The following CDH13 variants were observed in gnomAD, a reference collection of about 807,000 sequenced individuals.
CDH13 encodes cadherin-13.
CDH13 carries 24 observed loss-of-function variants against 63.8 expected under a neutral mutation model. That is an observed-to-expected ratio of 0.38 (90% confidence interval 0.27 to 0.53). The LOEUF (loss-of-function observed/expected upper bound fraction) is 0.53. Among genes scored for constraint, CDH13 ranks in the 20% least tolerant of loss-of-function variants. The pLI, the probability that CDH13 is intolerant of heterozygous loss-of-function variation, is 0.85. For missense variants in CDH13, 1,049 were observed against 903.1 expected, an observed-to-expected ratio of 1.16 and a Z score of -2.07; for synonymous variants, 503 against 355.3, an observed-to-expected ratio of 1.42 and a Z score of -4.67.
intron 5 of CDH13, among the ~76,000 whole-genome samples, chr16:83,261,451 A>G (rs1906981960): frequency 1.3e-5 from 2 of 152,140 alleles, no homozygotes; most frequent in South Asian, 4.1e-4. Flanking sequence ...GTAGGTAAGA[A>G]CATATTTCTG....
At chr16:82,731,996 T>G (rs989556775) in intron 1 of CDH13, among the ~76,000 whole-genome samples, 1 of 152,214 alleles carries the variant, frequency 6.6e-6, no homozygotes, top group Non-Finnish European at 1.5e-5. Context: ...TAACTCCTCC[T>G]TCTTTGATCT....
chr16:82,994,714 T>C (rs1242198829), intron 2 of CDH13, among the ~76,000 whole-genome samples: 1 of 152,190 alleles, frequency 6.6e-6, no homozygotes, highest in Non-Finnish European at 1.5e-5. Flanking sequence ...GATACCTACG[T>C]TGATAGTATT....
intron 6 of CDH13, among the ~76,000 whole-genome samples, chr16:83,446,007 A>T (rs1199204830): frequency 6.6e-6 from 1 of 152,140 alleles, no homozygotes; most frequent in East Asian, 1.9e-4. Flanking sequence ...GTATAGAAAA[A>T]CATGAGGAAG....
intron 2 of CDH13, among the ~76,000 whole-genome samples, chr16:82,947,428 T>G (rs1904853738): frequency 6.6e-6 from 1 of 152,188 alleles, no homozygotes; most frequent in Non-Finnish European, 1.5e-5. Context: ...AACGGAAATA[T>G]TAGATCATGA....
chr16:82,737,353 C>T (rs143437624), intron 1 of CDH13, among the ~76,000 whole-genome samples: 2,004 of 152,318 alleles, frequency 0.013, 31 homozygotes, highest in Non-Finnish European at 0.02. Context: ...TCAACTCATC[C>T]ATCACTATAT....
chr16:82,845,816 T>A (rs1031441098), intron 1 of CDH13, among the ~76,000 whole-genome samples: 1 of 152,228 alleles, frequency 6.6e-6, no homozygotes. Flanking sequence ...AGCAGGCACA[T>A]CCTCTGGTTT....
At chr16:82,679,437 C>T (rs563868237) in intron 1 of CDH13, among the ~76,000 whole-genome samples, 1 of 152,142 alleles carries the variant, frequency 6.6e-6, no homozygotes, top group African/African-American at 2.4e-5. Flanking sequence ...GATTTACCTC[C>T]TACTAAAATG....
intron 13 of CDH13, among the ~76,000 whole-genome samples, chr16:83,787,416 C>T (rs181311595): frequency 1.1e-4 from 17 of 152,316 alleles, no homozygotes; most frequent in Admixed American, 3.3e-4. Flanking sequence ...CAGCCCACAG[C>T]GTTCCTTGGC....
In CDH13 at chr16:83,783,418, G is replaced by T. The variant is rs752859206; in HGVS notation, c.2080G>T (p.Ala694Ser). ...NSKVDCNAAG[A>S]LRFSLPSVLL... is the part of the protein sequence containing the mutation. The stretch of plus-strand genomic sequence containing the variant: ...CAAAGTGGACTGCAACGCGGCAGGG[G>T]CCCTGCGCTTCAGCCTGCCCTCAGT... Residue 694 changes from alanine to serine, a missense_variant, in exon 13 of 14, where the codon GCC becomes TCC. Physicochemically the swap from Ala to Ser is moderately conservative, Grantham distance 99. Coordinates refer to ENST00000567109, the MANE Select transcript of CDH13 (RefSeq NM_001257.5). 5 of 1,614,008 alleles carry T rather than the reference G, an allele frequency of 3.1e-6. No individual in the cohort carries two copies. In the East Asian group the frequency reaches 1.1e-4, roughly 36 times the overall value.
At chr16:83,663,295 C>T (rs77620775) in intron 8 of CDH13, among the ~76,000 whole-genome samples, 1 of 152,014 alleles carries the variant, frequency 6.6e-6, no homozygotes. Flanking sequence ...TTAGGTCCCT[C>T]AAATGTTTTA....
intron 6 of CDH13, among the ~76,000 whole-genome samples, chr16:83,442,220 C>T (rs2151496623): frequency 6.6e-6 from 1 of 152,306 alleles, no homozygotes; most frequent in East Asian, 1.9e-4. Flanking sequence ...CCCTGGGCCT[C>T]AGTTACCTCA....
intron 1 of CDH13, among the ~76,000 whole-genome samples, chr16:82,782,977 C>G: frequency 6.6e-6 from 1 of 152,208 alleles, no homozygotes; most frequent in East Asian, 1.9e-4. Flanking sequence ...GGAGCTTTCC[C>G]AGGTGCTGTG....
intron 5 of CDH13, among the ~76,000 whole-genome samples, chr16:83,268,716 A>G (rs1435139323): frequency 6.6e-6 from 1 of 152,214 alleles, no homozygotes; most frequent in Non-Finnish European, 1.5e-5. Flanking sequence ...ATTTGAATTG[A>G]TCATAATGTG....
intron 1 of CDH13, among the ~76,000 whole-genome samples, chr16:82,782,211 C>T (rs1011054604): frequency 6.6e-6 from 1 of 152,142 alleles, no homozygotes; most frequent in Non-Finnish European, 1.5e-5. Flanking sequence ...GAAAGCCAAT[C>T]ACAAGAACCA....
At chr16:83,556,309 T>G (rs1349188999) in intron 7 of CDH13, among the ~76,000 whole-genome samples, 1 of 152,292 alleles carries the variant, frequency 6.6e-6, no homozygotes, top group Admixed American at 6.5e-5. Context: ...GTAAGGGAGA[T>G]TCTGCAAAGA....
intron 1 of CDH13, among the ~76,000 whole-genome samples, chr16:82,784,859 T>A (rs2035928632): frequency 6.6e-6 from 1 of 152,120 alleles, no homozygotes; most frequent in Non-Finnish European, 1.5e-5. Flanking sequence ...CAGAAAATAA[T>A]TTCAAACATT....
chr16:83,211,347 C>G (rs2039332195), intron 4 of CDH13, among the ~76,000 whole-genome samples: 1 of 152,108 alleles, frequency 6.6e-6, no homozygotes, highest in African/African-American at 2.4e-5. Context: ...TTCTGTAAAT[C>G]TAAAATTACC....
At chr16:82,928,203 C>T (rs150509172) in intron 2 of CDH13, among the ~76,000 whole-genome samples, 8 of 151,110 alleles carry the variant, frequency 5.3e-5, no homozygotes, top group African/African-American at 1.9e-4. Flanking sequence ...CGTGTGTAAT[C>T]CACATAAGGC....
chr16:83,359,384 A>G (rs557694631), intron 6 of CDH13, among the ~76,000 whole-genome samples: 36 of 152,272 alleles, frequency 2.4e-4, no homozygotes, highest in Non-Finnish European at 3.8e-4. Context: ...ATGACCAACA[A>G]AATGCCACGT....
Sources: gnomAD v4.1 joint callset for allele counts (sites outside exome capture counted in the v4.1 genomes callset) on GRCh38, gnomAD v4.1.1 for gene constraint, MANE v1.5 for transcripts, NCBI Gene and HGNC (gene_info 2026-07-23, HGNC 2026-07-21) for gene names.